The following KAZN variants were observed in gnomAD, a reference collection of about 807,000 sequenced individuals.
The protein encoded by KAZN is kazrin.
In KAZN, 40 loss-of-function variants were observed where a neutral mutation model predicts 87.4. The ratio of observed to expected loss-of-function variants is 0.46; its 90% confidence interval spans 0.36 to 0.60. KAZN has a LOEUF of 0.60. Among genes scored for constraint, KAZN ranks in the 20% least tolerant of loss-of-function variants. The pLI, the probability that KAZN is intolerant of heterozygous loss-of-function variation, is 0.00. For missense variants in KAZN, 898 were observed against 1,073.9 expected (o/e 0.84, Z 2.29); for synonymous variants, 466 against 458.3 (o/e 1.02, Z -0.22).
intron 1 of KAZN, among the ~76,000 whole-genome samples, chr1:14,723,349 A>G (rs961757132): frequency 3.3e-5 from 5 of 152,096 alleles, no homozygotes; most frequent in East Asian, 1.9e-4. Flanking sequence ...GAGCCCCCCA[A>G]CTGTGACAGT....
At chr1:14,668,957 C>T (rs946422116) in intron 1 of KAZN, among the ~76,000 whole-genome samples, 2 of 152,186 alleles carry the variant, frequency 1.3e-5, no homozygotes, top group African/African-American at 2.4e-5. Flanking sequence ...CATGCAGAGA[C>T]CCCGGAGACC....
chr1:15,048,725 T>TGGTCCTGGGTCGTC (rs1673918241), intron 4 of KAZN, among the ~76,000 whole-genome samples: 2 of 131,990 alleles, frequency 1.5e-5, no homozygotes, highest in South Asian at 2.6e-4. Flanking sequence ...CCTGGGTCGT[T>TGGTCCTGGGTCGTC]GGTCATGGGT....
intron 1 of KAZN, among the ~76,000 whole-genome samples, chr1:13,977,915 C>T (rs980751754): frequency 3.3e-5 from 5 of 152,070 alleles, no homozygotes; most frequent in African/African-American, 1.2e-4. Context: ...ATCACAAGGT[C>T]AGGAGATTGA....
chr1:14,602,392 C>T (rs1040183324), intron 1 of KAZN, among the ~76,000 whole-genome samples: 17 of 152,274 alleles, frequency 1.1e-4, no homozygotes, highest in Admixed American at 1.1e-3. Context: ...AGAGGGCGTC[C>T]GTGCAGGGTG....
intron 14 of KAZN, chr1:15,113,339 T>A (rs1387682307): frequency 6.6e-6 from 1 of 152,088 alleles, no homozygotes; most frequent in East Asian, 1.9e-4. Flanking sequence ...AATGTACATA[T>A]GGTACGGAAG....
chr1:14,276,160 GGTGTGTGTGTGTGTGTGTGTGT>G (rs5772575), intron 2 of KAZN, among the ~76,000 whole-genome samples: 9 of 135,692 alleles, frequency 6.6e-5, no homozygotes, highest in Middle Eastern at 4.1e-3. Context: ...TCGCTATAAG[GGTGTGTGTGTGTGTGTGTGTGT>G]GTGTGTGTGT....
chr1:13,979,698 G>A (rs1400298699), intron 1 of KAZN, among the ~76,000 whole-genome samples: 1 of 152,174 alleles, frequency 6.6e-6, no homozygotes, highest in Non-Finnish European at 1.5e-5. Flanking sequence ...GGAGGCCGAG[G>A]CGGGCGGATC....
chr1:14,340,038 GA>G (rs1235971126), intron 2 of KAZN, among the ~76,000 whole-genome samples: 1 of 152,178 alleles, frequency 6.6e-6, no homozygotes, highest in Non-Finnish European at 1.5e-5. Context: ...GCATTACAGT[GA>G]ACACATTTAC....
chr1:14,751,967 G>A (rs1028301862), intron 1 of KAZN, among the ~76,000 whole-genome samples: 2 of 152,200 alleles, frequency 1.3e-5, no homozygotes, highest in South Asian at 2.1e-4. Flanking sequence ...TCACCCTTCT[G>A]CGTAATGTAC....
chr1:14,615,849 T>G (rs113040361), intron 1 of KAZN, among the ~76,000 whole-genome samples: 1 of 152,212 alleles, frequency 6.6e-6, no homozygotes, highest in Non-Finnish European at 1.5e-5. Flanking sequence ...CTCCCATTTC[T>G]GAATTTCTAC....
At chr1:14,452,674 G>A (rs980782206) in intron 2 of KAZN, among the ~76,000 whole-genome samples, 6 of 152,172 alleles carry the variant, frequency 3.9e-5, no homozygotes, top group African/African-American at 1.2e-4. Context: ...GACAGCCAGC[G>A]CAACAGCCTC....
At chr1:14,408,340 G>A (rs1325476134) in intron 2 of KAZN, among the ~76,000 whole-genome samples, 2 of 152,158 alleles carry the variant, frequency 1.3e-5, no homozygotes, top group Admixed American at 6.5e-5. Context: ...AGCATCTGTA[G>A]CTTTGGTGTG....
intron 2 of KAZN, among the ~76,000 whole-genome samples, chr1:14,977,413 C>T (rs144776946): frequency 6.6e-6 from 1 of 152,338 alleles, no homozygotes; most frequent in Non-Finnish European, 1.5e-5. Flanking sequence ...TCCCAGATTC[C>T]GGAAGGTCAA....
intron 2 of KAZN, among the ~76,000 whole-genome samples, chr1:14,970,795 A>G (rs1664944951): frequency 6.6e-6 from 1 of 152,150 alleles, no homozygotes; most frequent in African/African-American, 2.4e-5. Flanking sequence ...ATGCACAGAC[A>G]CCCTCTAGCA....
At chr1:14,252,434 C>T (rs1289754976) in intron 2 of KAZN, among the ~76,000 whole-genome samples, 1 of 152,132 alleles carries the variant, frequency 6.6e-6, no homozygotes, top group African/African-American at 2.4e-5. Context: ...GATACCACTG[C>T]CCCATGAATT....
At chr1:14,307,120 G>A (rs536264368) in intron 2 of KAZN, among the ~76,000 whole-genome samples, 43 of 152,134 alleles carry the variant, frequency 2.8e-4, no homozygotes, top group South Asian at 8.3e-4. Context: ...TTGACCCTTC[G>A]TGGTCCCACA....
At chr1:14,961,849 A>G (rs1240026408) in intron 2 of KAZN, among the ~76,000 whole-genome samples, 1 of 152,250 alleles carries the variant, frequency 6.6e-6, no homozygotes, top group East Asian at 1.9e-4. Context: ...CCCAAAACAC[A>G]GAGGCTTAAA....
Position 14,785,448 on chromosome 1 carries a change from GGA to G in KAZN, c.227-175235_227-175234del, listed in dbSNP as rs555852615. 7.2e-5 allele frequency among the ~76,000 whole-genome samples: 11 copies of G among 152,170 alleles called. No individual in the cohort carries two copies. The South Asian group carries it at 2.3e-3, about 32-fold the overall frequency. ...AATATGGCGCCAAATCTTACCCTGT[GGA>G]CAGAATGGATACCTCAGGGGAGGCC... On this transcript the variant is annotated intron_variant, in intron 1 of 14. Coordinates refer to ENST00000376030, the MANE Select transcript of KAZN (RefSeq NM_201628.3).
At position 14,172,955 on chromosome 1, in the gene KAZN, T is replaced by C. The variant is rs79969331; in HGVS notation, c.92-7480T>C. Among the ~76,000 whole-genome samples the C allele has an allele frequency of 5.1e-3, 773 of 152,252 alleles. 7 individuals are homozygous for C. The highest frequency in any genetic ancestry group is 0.017 in the African/African-American group (713 of 41,546). On this transcript the variant is annotated intron_variant, in intron 1 of 16. Coordinates refer to the KAZN transcript ENST00000636203. ...TCTCAGGTGCCTCAGACTTCTTATATGGCAGCTTCTCCCAGAAGGAGCATT... is the reference window on the plus strand; with the variant it reads ...TCTCAGGTGCCTCAGACTTCTTATACGGCAGCTTCTCCCAGAAGGAGCATT...
Sources: gnomAD v4.1 joint callset for allele counts (sites outside exome capture counted in the v4.1 genomes callset) on GRCh38, gnomAD v4.1.1 for gene constraint, MANE v1.5 for transcripts, NCBI Gene and HGNC (gene_info 2026-07-23, HGNC 2026-07-21) for gene names.